GOLPH3: variants seen among roughly 807,000 people sequenced by gnomAD.
The protein encoded by GOLPH3 is coat protein GPP34.
GOLPH3 carries 14 observed loss-of-function variants against 28.5 expected under a neutral mutation model. The observed-to-expected ratio is 0.49, with a 90% confidence interval of 0.32 to 0.77. GOLPH3 has a LOEUF of 0.77. Among genes scored for constraint, GOLPH3 ranks in the 30% least tolerant of loss-of-function variants. The pLI, the probability that GOLPH3 is intolerant of heterozygous loss-of-function variation, is 0.03. For missense variants in GOLPH3, 350 were observed against 393.7 expected, an observed-to-expected ratio of 0.89 and a Z score of 0.94; for synonymous variants, 158 against 159.2, an observed-to-expected ratio of 0.99 and a Z score of 0.06.
intron 3 of GOLPH3, among the ~76,000 whole-genome samples, chr5:32,127,524 C>T (rs1036213786): frequency 6.6e-6 from 1 of 152,204 alleles, no homozygotes; most frequent in African/African-American, 2.4e-5. Flanking sequence ...CCATTACCCA[C>T]ATAGAGCTAT....
chr5:32,160,880 A>G (rs1746555626), intron 1 of GOLPH3, among the ~76,000 whole-genome samples: 1 of 151,974 alleles, frequency 6.6e-6, no homozygotes, highest in African/African-American at 2.4e-5. Context: ...ATCCTGGCTA[A>G]CACAGTGAAA....
chr5:32,141,800 C>T (rs897178107), intron 2 of GOLPH3, among the ~76,000 whole-genome samples: 5 of 152,084 alleles, frequency 3.3e-5, no homozygotes, highest in Non-Finnish European at 7.4e-5. Flanking sequence ...GACGGGGATT[C>T]GCTGTGTTGG....
intron 3 of GOLPH3, among the ~76,000 whole-genome samples, chr5:32,132,460 T>C (rs185706407): frequency 1.0e-3 from 158 of 152,342 alleles, no homozygotes; most frequent in African/African-American, 3.3e-3. Flanking sequence ...TTGTAACTAC[T>C]AAAGTTCCCA....
intron 1 of GOLPH3, among the ~76,000 whole-genome samples, chr5:32,144,943 T>C (rs1746156779): frequency 6.6e-6 from 1 of 152,200 alleles, no homozygotes. Flanking sequence ...GCAGAAGCTA[T>C]AAATAACTCT....
chr5:32,127,840 T>G (rs1745716506), intron 3 of GOLPH3, among the ~76,000 whole-genome samples: 1 of 152,144 alleles, frequency 6.6e-6, no homozygotes, highest in Non-Finnish European at 1.5e-5. Flanking sequence ...AAAAAACTGT[T>G]TTCAGACACT....
chr5:32,137,502 T>C (rs1335895379), intron 2 of GOLPH3, among the ~76,000 whole-genome samples: 1 of 151,714 alleles, frequency 6.6e-6, no homozygotes, highest in Non-Finnish European at 1.5e-5. Context: ...CTACTAATAA[T>C]ACAAAAATTA....
chr5:32,155,099 A>G (rs1173799941), intron 1 of GOLPH3, among the ~76,000 whole-genome samples: 1 of 19,128 alleles, frequency 5.2e-5, no homozygotes, highest in South Asian at 9.8e-4. Context: ...ACTCTGTCTC[A>G]AAAAAAAAAA....
intron 1 of GOLPH3, among the ~76,000 whole-genome samples, chr5:32,157,109 T>C (rs1746448456): frequency 6.6e-6 from 1 of 152,188 alleles, no homozygotes; most frequent in South Asian, 2.1e-4. Context: ...CCTCAGGGCC[T>C]CTATTCTCAT....
At chr5:32,136,564 C>G (rs989741232) in intron 2 of GOLPH3, among the ~76,000 whole-genome samples, 1 of 151,666 alleles carries the variant, frequency 6.6e-6, no homozygotes, top group Non-Finnish European at 1.5e-5. Flanking sequence ...CATCACCGAA[C>G]CTTGGACTAT....
At chr5:32,170,424 A>G (rs1308179828) in intron 1 of GOLPH3, among the ~76,000 whole-genome samples, 3 of 152,236 alleles carry the variant, frequency 2.0e-5, no homozygotes, top group Non-Finnish European at 4.4e-5. Context: ...TGATTTGCTT[A>G]AATGTAAAGT....
intron 1 of GOLPH3, among the ~76,000 whole-genome samples, chr5:32,171,846 G>A (rs1234912077): frequency 4.6e-5 from 7 of 152,054 alleles, no homozygotes; most frequent in Admixed American, 3.9e-4. Context: ...TACTTGGGAG[G>A]CTGAGGCAGG....
intron 1 of GOLPH3, among the ~76,000 whole-genome samples, chr5:32,170,803 GA>G (rs1746816066): frequency 6.6e-6 from 1 of 151,976 alleles, no homozygotes; most frequent in South Asian, 2.1e-4. Flanking sequence ...GTGATGAAAG[GA>G]AAAAATATAT....
rs1023379638 is a variant in GOLPH3, at chr5:32,124,892, G to A, written c.*1320C>T. 3 of 152,490 alleles carry A rather than the reference G, an allele frequency of 2.0e-5. No homozygotes were observed. The highest frequency in any genetic ancestry group is 7.3e-5 in the African/African-American group (3 of 41,378). 9.4% of individuals were successfully genotyped at this position (152,490 alleles called of 1,614,324 possible). A position where few individuals can be genotyped will look rare whatever the true frequency, so the allele number is the denominator to read the frequency against. ...ACCTGAAAGCCCCACTATTAACATG[G>A]ACTATGGTAATAAAAAATTTTGACA... On this transcript the variant is annotated 3_prime_UTR_variant, in exon 4 of 4. Coordinates refer to ENST00000265070, the MANE Select transcript of GOLPH3 (RefSeq NM_022130.4).
chr5:32,163,798 A>G (rs1424145355), intron 1 of GOLPH3, among the ~76,000 whole-genome samples: 1 of 152,216 alleles, frequency 6.6e-6, no homozygotes, highest in Non-Finnish European at 1.5e-5. Context: ...CTTTAGCTAC[A>G]CAACATGGTA....
intron 1 of GOLPH3, among the ~76,000 whole-genome samples, chr5:32,172,550 C>G (rs1421955332): frequency 6.6e-6 from 1 of 152,110 alleles, no homozygotes; most frequent in East Asian, 1.9e-4. Context: ...TGAAAATTAG[C>G]TGGGCATGGC....
chr5:32,171,145 A>G (rs548658822), intron 1 of GOLPH3, among the ~76,000 whole-genome samples: 196 of 152,334 alleles, frequency 1.3e-3, no homozygotes, highest in Non-Finnish European at 2.5e-3. Context: ...TCACCGAAAA[A>G]CAGCATGTTA....
intron 2 of GOLPH3, among the ~76,000 whole-genome samples, chr5:32,136,907 A>G (rs550931370): frequency 6.6e-6 from 1 of 152,294 alleles, no homozygotes; most frequent in South Asian, 2.1e-4. Context: ...TTTTAAACAA[A>G]TGTCATTAAA....
intron 3 of GOLPH3, among the ~76,000 whole-genome samples, chr5:32,128,613 A>G (rs934428874): frequency 2.0e-5 from 3 of 152,126 alleles, no homozygotes; most frequent in Non-Finnish European, 4.4e-5. Context: ...GTGAGCCGAG[A>G]TCGTGCCATT....
intron 1 of GOLPH3, among the ~76,000 whole-genome samples, chr5:32,156,434 C>T (rs1371123439): frequency 6.6e-6 from 1 of 151,542 alleles, no homozygotes; most frequent in Admixed American, 6.6e-5. Flanking sequence ...ACCTGGGAGG[C>T]AGCGGTTGCA....
Sources: gnomAD v4.1 joint callset for allele counts (sites outside exome capture counted in the v4.1 genomes callset) on GRCh38, gnomAD v4.1.1 for gene constraint, MANE v1.5 for transcripts, NCBI Gene and HGNC (gene_info 2026-07-23, HGNC 2026-07-21) for gene names.